The following OBP2B variants were observed in gnomAD, a reference collection of about 807,000 sequenced individuals.
OBP2B encodes the protein odorant-binding protein 2b.
A neutral mutation model predicts 21.7 loss-of-function variants in OBP2B; 10 were observed. The ratio of observed to expected loss-of-function variants is 0.46; its 90% confidence interval spans 0.28 to 0.78. The LOEUF is 0.78. Ranked by LOEUF, OBP2B falls within the 30% of genes least tolerant of loss-of-function variation. The probability of loss-of-function intolerance (pLI) is 0.11; values close to 1 mark genes in which losing one functional copy is unlikely to be tolerated. For missense variants in OBP2B, 153 were observed against 217.7 expected (o/e 0.70, Z 1.87); for synonymous variants, 73 against 91.5 (o/e 0.80, Z 1.16).
chr9:133,220,137 G>C, the OBP2B span, among the ~76,000 whole-genome samples: 2 of 152,258 alleles, frequency 1.3e-5, no homozygotes, highest in African/African-American at 4.8e-5. Flanking sequence ...AGAGCAGACG[G>C]GCATAGGGAC....
Position 133,208,676 on chromosome 9 carries a change from A to G in OBP2B, c.73-74T>C. On this transcript the variant is annotated intron_variant, in intron 1 of 6. Transcript: ENST00000372034. ...CTCTGACCCTGGCACTCAGGCCTGC[A>G]GCTATAACCAGACACCCATGGTGCC... The G allele has an allele frequency of 5.9e-6, 9 of 1,530,072 alleles. No individual in the cohort carries two copies. In the South Asian group the frequency reaches 1.0e-4, roughly 17 times the overall value. The allele number at this position is 1,530,072 out of a possible 1,614,324, so 94.8% of individuals were successfully genotyped here.
At chr9:133,222,025 T>C in the OBP2B span, among the ~76,000 whole-genome samples, 3 of 152,156 alleles carry the variant, frequency 2.0e-5, no homozygotes, top group Admixed American at 2.0e-4. Flanking sequence ...CTCAGACATC[T>C]TACCCCGAGG....
At chr9:133,210,026 G>T (rs1384218701), upstream of OBP2B, among the ~76,000 whole-genome samples, 1 of 152,172 alleles carries the variant, frequency 6.6e-6, no homozygotes, top group East Asian at 1.9e-4. Flanking sequence ...AGCTTTGACG[G>T]CCCCCAGCCC....
the OBP2B span, among the ~76,000 whole-genome samples, chr9:133,218,414 G>A: frequency 6.6e-6 from 1 of 152,226 alleles, no homozygotes; most frequent in Non-Finnish European, 1.5e-5. Context: ...TGTGACTTAC[G>A]TATTTAAGGG....
Position 133,207,147 on chromosome 9 carries a change from G to T in OBP2B, c.388+79C>A, listed in dbSNP as rs1833749223. The T allele has an allele frequency of 3.0e-6, 3 of 996,508 alleles. No homozygotes were observed. In the East Asian group the frequency reaches 7.2e-5, roughly 24 times the overall value. The allele number at this position is 996,508 out of a possible 1,614,324, so 61.7% of individuals were successfully genotyped here. A position where few individuals can be genotyped will look rare whatever the true frequency, so the allele number is the denominator to read the frequency against. On this transcript the variant is annotated intron_variant, in intron 4 of 6. Coordinates refer to ENST00000372034, the MANE Select transcript of OBP2B (RefSeq NM_014581.4). ...GGGCTTCCTTTTCCCCCATGCCAGG[G>T]CATGGTGGTGCTGGTTCCACCGGCT...
In OBP2B at chr9:133,207,844, T is replaced by A. The variant is rs782681802; in HGVS notation, c.277+289A>T. On this transcript the variant is annotated intron_variant, in intron 3 of 6. Coordinates refer to ENST00000372034, the MANE Select transcript of OBP2B (RefSeq NM_014581.4). ...TAACCCTCAGCCTCCCCGTACCTAA[T>A]CCTTGGCCTCCTTGTCCCAATCCTC... 5 of 1,496,468 alleles carry A rather than the reference T, an allele frequency of 3.3e-6. No homozygotes were observed. The African/African-American group carries it at 6.9e-5, about 21-fold the overall frequency. The allele number at this position is 1,496,468 out of a possible 1,614,324, so 92.7% of individuals were successfully genotyped here. A position where few individuals can be genotyped will look rare whatever the true frequency, so the allele number is the denominator to read the frequency against.
upstream of OBP2B, among the ~76,000 whole-genome samples, chr9:133,212,820 A>G (rs1387195890): frequency 6.6e-6 from 1 of 152,130 alleles, no homozygotes; most frequent in African/African-American, 2.4e-5. Flanking sequence ...AATCCCAGCT[A>G]ATCGGGAGGC....
chr9:133,214,122 C>T (rs1225328379), upstream of OBP2B, among the ~76,000 whole-genome samples: 3 of 152,132 alleles, frequency 2.0e-5, no homozygotes, highest in African/African-American at 4.8e-5. Flanking sequence ...ATGATCATAT[C>T]GATCAATGCA....
At chr9:133,211,619 G>A (rs750114153), upstream of OBP2B, among the ~76,000 whole-genome samples, 1 of 152,200 alleles carries the variant, frequency 6.6e-6, no homozygotes, top group Non-Finnish European at 1.5e-5. Context: ...TTCCTTCTAA[G>A]TGGAACAATC....
the OBP2B span, among the ~76,000 whole-genome samples, chr9:133,217,812 G>A: frequency 0.81 from 123,555 of 152,192 alleles, 50,846 homozygotes; most frequent in African/African-American, 0.91. Flanking sequence ...ACCTTCTCCC[G>A]TGAGGTCTGA....
the OBP2B span, among the ~76,000 whole-genome samples, chr9:133,218,150 A>C: frequency 2.6e-5 from 4 of 152,234 alleles, no homozygotes; most frequent in Middle Eastern, 3.2e-3. Context: ...GACATGAAGG[A>C]AGCAAGCCAT....
intron 3 of OBP2B, among the ~76,000 whole-genome samples, chr9:133,207,688 C>T (rs1375551724): frequency 7.1e-6 from 1 of 140,084 alleles, no homozygotes; most frequent in Non-Finnish European, 1.5e-5. Context: ...CTCCCCATCC[C>T]TAACCCTCGG....
At chr9:133,207,743 C>A (rs1441843154) in intron 3 of OBP2B, 2 of 791,034 alleles carry the variant, frequency 2.5e-6, no homozygotes, top group African/African-American at 1.7e-5. Flanking sequence ...TAACCCTTGG[C>A]CCCCGTCCCT....
chr9:133,210,091 A>G (rs1378438217), upstream of OBP2B, among the ~76,000 whole-genome samples: 3 of 152,126 alleles, frequency 2.0e-5, no homozygotes, highest in African/African-American at 7.2e-5. Context: ...ATGAGGCACC[A>G]AGAGTCACCT....
At chr9:133,212,204 CT>C (rs1415004917), upstream of OBP2B, among the ~76,000 whole-genome samples, 1 of 152,198 alleles carries the variant, frequency 6.6e-6, no homozygotes, top group Non-Finnish European at 1.5e-5. Context: ...CAAAACAGAA[CT>C]GAAAGGAGAA....
the OBP2B span, among the ~76,000 whole-genome samples, chr9:133,215,648 A>T: frequency 6.6e-6 from 1 of 152,108 alleles, no homozygotes; most frequent in Non-Finnish European, 1.5e-5. Context: ...CCTCCCAAGT[A>T]GCTGGGATTA....
intron 3 of OBP2B, 133 bp from the exon 4 acceptor site, chr9:133,207,469 T>C (rs1833768073): frequency 3.2e-6 from 2 of 629,874 alleles, no homozygotes; most frequent in Non-Finnish European, 5.6e-6. Flanking sequence ...CTCCGCACAG[T>C]GTGGACCCGG....
chr9:133,206,212 G>A (rs1833703591), intron 5 of OBP2B, 103 bp downstream of exon 5: 5 of 1,332,584 alleles, frequency 3.8e-6, no homozygotes, highest in Non-Finnish European at 5.4e-6. Flanking sequence ...CGGGGCACAC[G>A]GGGAATGCGG....
At chr9:133,215,072 G>A in the OBP2B span, among the ~76,000 whole-genome samples, 1 of 152,164 alleles carries the variant, frequency 6.6e-6, no homozygotes. Context: ...TATTAAGCGA[G>A]TTCAGCAAGG....
Sources: gnomAD v4.1 joint callset for allele counts (sites outside exome capture counted in the v4.1 genomes callset) on GRCh38, gnomAD v4.1.1 for gene constraint, MANE v1.5 for transcripts, NCBI Gene and HGNC (gene_info 2026-07-23, HGNC 2026-07-21) for gene names.